RANBP2: variants seen among roughly 807,000 people sequenced by gnomAD.
The protein encoded by RANBP2 is RAN binding protein 2, also known as E3 SUMO-protein ligase RanBP2.
In RANBP2, 57 loss-of-function variants were observed where a neutral mutation model predicts 303.6. The ratio of observed to expected loss-of-function variants is 0.19; its 90% CI spans 0.15 to 0.23. RANBP2 has a LOEUF of 0.23. Ranked by LOEUF, RANBP2 falls within the 10% of genes least tolerant of loss-of-function variation. The probability of loss-of-function intolerance (pLI) is 1.00; values close to 1 mark genes in which losing one functional copy is unlikely to be tolerated. For synonymous variants in RANBP2, 1,167 were observed against 1,301.5 expected, an observed-to-expected ratio of 0.90 and a Z score of 2.23; for missense variants, 3,138 against 3,780.8, an observed-to-expected ratio of 0.83 and a Z score of 4.46.
chr2:109,369,935 G>A, the RANBP2 span, among the ~76,000 whole-genome samples: 21 of 152,206 alleles, frequency 1.4e-4, no homozygotes, highest in Non-Finnish European at 1.2e-4. Context: ...TTGGAAAGGC[G>A]GGTGGTGCAC....
At chr2:109,480,872 G>A in the RANBP2 span, among the ~76,000 whole-genome samples, 2 of 152,174 alleles carry the variant, frequency 1.3e-5, no homozygotes, top group Non-Finnish European at 2.9e-5. Flanking sequence ...TGGGGCATCT[G>A]TGGATGGTTT....
the RANBP2 span, among the ~76,000 whole-genome samples, chr2:109,257,667 C>T: frequency 6.6e-6 from 1 of 152,160 alleles, no homozygotes; most frequent in African/African-American, 2.4e-5. Context: ...GTTTGCGCTT[C>T]AGGGAAGCCA....
chr2:109,528,980 A>G, the RANBP2 span, among the ~76,000 whole-genome samples: 1 of 152,192 alleles, frequency 6.6e-6, no homozygotes, highest in African/African-American at 2.4e-5. Flanking sequence ...GCTCAGACCC[A>G]TTCTGGGCCT....
At chr2:108,947,608 T>C in the RANBP2 span, among the ~76,000 whole-genome samples, 153 of 152,322 alleles carry the variant, frequency 1.0e-3, no homozygotes, top group Non-Finnish European at 1.8e-3. Context: ...CAACACCAAG[T>C]GGAAGTTGCC....
the RANBP2 span, among the ~76,000 whole-genome samples, chr2:109,495,050 T>C: frequency 2.0e-5 from 3 of 152,178 alleles, no homozygotes; most frequent in African/African-American, 7.2e-5. Context: ...AGTAGACTTA[T>C]GAGCCAAGCC....
At chr2:108,723,278 C>G (rs561747066) in intron 1 of RANBP2, among the ~76,000 whole-genome samples, 20 of 149,072 alleles carry the variant, frequency 1.3e-4, no homozygotes, top group Non-Finnish European at 7.4e-5. Flanking sequence ...TAGACATTTT[C>G]TTTTCTTTTT....
chr2:109,078,170 G>A, the RANBP2 span, among the ~76,000 whole-genome samples: 2 of 121,312 alleles, frequency 1.6e-5, no homozygotes, highest in South Asian at 2.5e-4. Context: ...TATATATAGC[G>A]TGTATATATA....
the RANBP2 span, chr2:109,585,131 T>C: frequency 9.5e-6 from 15 of 1,571,392 alleles, no homozygotes; most frequent in Non-Finnish European, 1.3e-5. Flanking sequence ...CATACCTCTC[T>C]TCTTTATTTA....
chr2:109,698,843 G>A, the RANBP2 span, among the ~76,000 whole-genome samples: 1 of 152,200 alleles, frequency 6.6e-6, no homozygotes, highest in African/African-American at 2.4e-5. Context: ...TGAGGCTGGA[G>A]AATCTCTTGA....
the RANBP2 span, among the ~76,000 whole-genome samples, chr2:109,121,526 A>G: frequency 6.6e-6 from 1 of 152,190 alleles, no homozygotes; most frequent in African/African-American, 2.4e-5. Flanking sequence ...TCTTTGTCAT[A>G]GGAATGGCAA....
chr2:109,047,011 C>T, the RANBP2 span, among the ~76,000 whole-genome samples: 1 of 152,098 alleles, frequency 6.6e-6, no homozygotes, highest in Non-Finnish European at 1.5e-5. Context: ...CCTGCCCTGC[C>T]CTGCAGTGCC....
downstream of RANBP2, among the ~76,000 whole-genome samples, chr2:108,790,215 A>G (rs540845494): frequency 1.3e-5 from 2 of 152,218 alleles, no homozygotes; most frequent in East Asian, 1.9e-4. Flanking sequence ...GGATTTAGAC[A>G]TGAGCTACGT....
chr2:109,523,601 AG>A, the RANBP2 span, among the ~76,000 whole-genome samples: 1 of 151,728 alleles, frequency 6.6e-6, no homozygotes. Context: ...GCCCTTTAGA[AG>A]GACCTGAGAG....
the RANBP2 span, among the ~76,000 whole-genome samples, chr2:109,777,250 A>C: frequency 0.035 from 5,187 of 147,984 alleles, 306 homozygotes; most frequent in Middle Eastern, 0.062. Flanking sequence ...TTTTAAGCAC[A>C]AAAGGATGTG....
At chr2:108,961,589 C>T in the RANBP2 span, among the ~76,000 whole-genome samples, 6 of 152,338 alleles carry the variant, frequency 3.9e-5, no homozygotes, top group South Asian at 1.2e-3. Context: ...CAAAAACAGA[C>T]ATTTACATTA....
chr2:108,980,830 T>C, the RANBP2 span, among the ~76,000 whole-genome samples: 2 of 152,096 alleles, frequency 1.3e-5, no homozygotes, highest in South Asian at 4.1e-4. Flanking sequence ...CCTGGCACCA[T>C]ACTCCATGGG....
the RANBP2 span, chr2:109,490,684 C>T: frequency 6.5e-7 from 1 of 1,529,474 alleles, no homozygotes; most frequent in Non-Finnish European, 8.8e-7. Context: ...CCATCTGTGT[C>T]TCCAACCCAC....
At chr2:109,341,251 A>C in the RANBP2 span, among the ~76,000 whole-genome samples, 2 of 152,246 alleles carry the variant, frequency 1.3e-5, no homozygotes, top group African/African-American at 4.8e-5. Context: ...TAAAACAAAA[A>C]CCTGGGAACC....
At chr2:109,411,933 A>C in the RANBP2 span, among the ~76,000 whole-genome samples, 8 of 152,296 alleles carry the variant, frequency 5.3e-5, no homozygotes, top group East Asian at 9.7e-4. Flanking sequence ...AGCCGGCAGA[A>C]TGTCTCCCTC....
Sources: gnomAD v4.1 joint callset for allele counts (sites outside exome capture counted in the v4.1 genomes callset) on GRCh38, gnomAD v4.1.1 for gene constraint, MANE v1.5 for transcripts, NCBI Gene and HGNC (gene_info 2026-07-23, HGNC 2026-07-21) for gene names.